Variants in SYNDIG1 observed in about 807,000 individuals in gnomAD.
SYNDIG1 encodes the protein synapse differentiation inducing 1.
SYNDIG1 carries 9 observed loss-of-function variants against 19.4 expected under a neutral mutation model. The observed-to-expected ratio is 0.46, with a 90% CI of 0.28 to 0.81. SYNDIG1 has a LOEUF of 0.81. SYNDIG1 is among the 30% of genes least tolerant of loss of function. The probability of loss-of-function intolerance (pLI) is 0.12; values close to 1 mark genes in which losing one functional copy is unlikely to be tolerated. For missense variants in SYNDIG1, 311 were observed against 343.3 expected, an observed-to-expected ratio of 0.91 and a Z score of 0.74; for synonymous variants, 141 against 145.9, an observed-to-expected ratio of 0.97 and a Z score of 0.24.
intron 2 of SYNDIG1, among the ~76,000 whole-genome samples, chr20:24,571,387 G>T (rs2058140478): frequency 6.6e-6 from 1 of 152,088 alleles, no homozygotes; most frequent in Non-Finnish European, 1.5e-5. Flanking sequence ...GGGTATATGG[G>T]AACTCTCTGT....
chr20:24,549,648 A>G (rs1444630282), intron 2 of SYNDIG1, among the ~76,000 whole-genome samples: 1 of 152,200 alleles, frequency 6.6e-6, no homozygotes, highest in East Asian at 1.9e-4. Context: ...CTGTCCACAG[A>G]CGGCTTGAAT....
At chr20:24,621,723 G>T (rs1336493256) in intron 3 of SYNDIG1, among the ~76,000 whole-genome samples, 5 of 152,136 alleles carry the variant, frequency 3.3e-5, no homozygotes, top group African/African-American at 1.2e-4. Flanking sequence ...CCTTCCCTAT[G>T]CCCTACCACC....
chr20:24,613,134 C>T (rs2058875609), intron 3 of SYNDIG1, among the ~76,000 whole-genome samples: 1 of 152,224 alleles, frequency 6.6e-6, no homozygotes, highest in Admixed American at 6.5e-5. Flanking sequence ...CCAGACCTCC[C>T]TGTTGCTCAG....
intron 1 of SYNDIG1, among the ~76,000 whole-genome samples, chr20:24,476,036 T>C (rs545891751): frequency 1.3e-5 from 2 of 152,178 alleles, no homozygotes; most frequent in South Asian, 2.1e-4. Context: ...AATTTTTCTA[T>C]TTTTAGTAGA....
chr20:24,585,053 G>GCCCCCC, intron 3 of SYNDIG1, 60 bp downstream of exon 3: 2 of 647,992 alleles, frequency 3.1e-6, no homozygotes, highest in East Asian at 8.7e-5. Flanking sequence ...GGGGGTGGGG[G>GCCCCCC]CGGCAATCCC....
At chr20:24,509,071 T>C (rs6049747) in intron 1 of SYNDIG1, among the ~76,000 whole-genome samples, 7,273 of 152,296 alleles carry the variant, frequency 0.048, 596 homozygotes, top group African/African-American at 0.16. Flanking sequence ...GGTTTACTGT[T>C]TGATGTCCCT....
intron 1 of SYNDIG1, among the ~76,000 whole-genome samples, chr20:24,492,152 C>G (rs1462798343): frequency 6.9e-6 from 1 of 144,038 alleles, no homozygotes; most frequent in Non-Finnish European, 1.5e-5. Flanking sequence ...CCAGGCACCG[C>G]AGGGACGCTG....
At chr20:24,506,260 A>G (rs1568593698) in intron 1 of SYNDIG1, among the ~76,000 whole-genome samples, 1 of 152,254 alleles carries the variant, frequency 6.6e-6, no homozygotes, top group Non-Finnish European at 1.5e-5. Flanking sequence ...TTATAAGACA[A>G]GGGGCATGTG....
chr20:24,503,722 C>G (rs2146399761), intron 1 of SYNDIG1, among the ~76,000 whole-genome samples: 1 of 152,262 alleles, frequency 6.6e-6, no homozygotes, highest in East Asian at 1.9e-4. Context: ...CCTGTGCTAA[C>G]TTTCCTACAG....
chr20:24,476,703 A>G (rs559129387), intron 1 of SYNDIG1, among the ~76,000 whole-genome samples: 9 of 152,080 alleles, frequency 5.9e-5, no homozygotes, highest in Non-Finnish European at 1.3e-4. Flanking sequence ...AAAAAAACAA[A>G]AAAAAACTGT....
At chr20:24,624,537 C>G (rs978830484) in intron 3 of SYNDIG1, among the ~76,000 whole-genome samples, 1 of 151,884 alleles carries the variant, frequency 6.6e-6, no homozygotes, top group Non-Finnish European at 1.5e-5. Context: ...CACAAAGAGT[C>G]AAAACATGAG....
intron 1 of SYNDIG1, among the ~76,000 whole-genome samples, chr20:24,508,310 C>A (rs1362122366): frequency 7.7e-6 from 1 of 130,066 alleles, no homozygotes; most frequent in Admixed American, 9.5e-5. Flanking sequence ...CTCACTGCAA[C>A]CTCCACCTCC....
At chr20:24,611,744 T>C (rs2058851916) in intron 3 of SYNDIG1, among the ~76,000 whole-genome samples, 1 of 152,240 alleles carries the variant, frequency 6.6e-6, no homozygotes, top group Non-Finnish European at 1.5e-5. Context: ...CCCTTCCTTA[T>C]GCAGCATGGC....
intron 2 of SYNDIG1, among the ~76,000 whole-genome samples, chr20:24,550,407 A>G (rs1454396186): frequency 6.6e-6 from 1 of 151,994 alleles, no homozygotes; most frequent in Non-Finnish European, 1.5e-5. Flanking sequence ...GGAGTTGCAT[A>G]TGGGTGTTCA....
chr20:24,633,931 C>T (rs2059286210), intron 3 of SYNDIG1, among the ~76,000 whole-genome samples: 1 of 152,222 alleles, frequency 6.6e-6, no homozygotes, highest in African/African-American at 2.4e-5. Flanking sequence ...TCCCAGGTCA[C>T]CTGCATCCGC....
At chr20:24,501,870 C>A (rs1461251759) in intron 1 of SYNDIG1, among the ~76,000 whole-genome samples, 1 of 152,216 alleles carries the variant, frequency 6.6e-6, no homozygotes, top group African/African-American at 2.4e-5. Flanking sequence ...GCACTCACCT[C>A]TGCAGGCCCC....
chr20:24,643,780 C>A (rs2059400624), intron 3 of SYNDIG1, among the ~76,000 whole-genome samples: 1 of 152,142 alleles, frequency 6.6e-6, no homozygotes. Flanking sequence ...ACATATTTAC[C>A]ATGACAGTGT....
At chr20:24,517,672 A>G (rs1310177404) in intron 1 of SYNDIG1, among the ~76,000 whole-genome samples, 1 of 144,778 alleles carries the variant, frequency 6.9e-6, no homozygotes, top group East Asian at 2.0e-4. Context: ...ACACATATAT[A>G]TGTGTATATG....
intron 2 of SYNDIG1, among the ~76,000 whole-genome samples, chr20:24,574,879 C>T (rs1256513578): frequency 1.3e-5 from 2 of 152,206 alleles, no homozygotes; most frequent in East Asian, 1.9e-4. Flanking sequence ...CTAGGGCCGT[C>T]GTTAGGTGCT....
Sources: gnomAD v4.1 joint callset for allele counts (sites outside exome capture counted in the v4.1 genomes callset) on GRCh38, gnomAD v4.1.1 for gene constraint, MANE v1.5 for transcripts, NCBI Gene and HGNC (gene_info 2026-07-23, HGNC 2026-07-21) for gene names.